Variants in SYN3 observed in about 807,000 individuals in gnomAD.
SYN3 encodes the protein synapsin-3.
Under a neutral mutation model 65.8 loss-of-function variants are expected in SYN3, and 35 were observed. The observed-to-expected ratio is 0.53, with a 90% CI of 0.41 to 0.70. SYN3 has a LOEUF of 0.70. SYN3 is among the 30% of genes least tolerant of loss of function. The pLI, the probability that SYN3 is intolerant of heterozygous loss-of-function variation, is 0.00. For synonymous variants in SYN3, 270 were observed against 292.9 expected, an observed-to-expected ratio of 0.92 and a Z score of 0.80; for missense variants, 680 against 749.0, an observed-to-expected ratio of 0.91 and a Z score of 1.08.
intron 2 of SYN3, among the ~76,000 whole-genome samples, chr22:32,981,805 G>A (rs1569375793): frequency 6.6e-6 from 1 of 152,000 alleles, no homozygotes; most frequent in African/African-American, 2.4e-5. Context: ...ATTAAAGGAT[G>A]TTTATAGTGT....
At chr22:33,044,022 C>T (rs2054013086) in intron 1 of SYN3, among the ~76,000 whole-genome samples, 1 of 151,218 alleles carries the variant, frequency 6.6e-6, no homozygotes, top group Non-Finnish European at 1.5e-5. Context: ...CACTGCACAC[C>T]ATCCTGATGA....
chr22:32,962,129 CTTTTTTTTTTTTTT>C (rs58025844), intron 3 of SYN3, among the ~76,000 whole-genome samples: 1 of 107,184 alleles, frequency 9.3e-6, no homozygotes, highest in Admixed American at 1.1e-4. Flanking sequence ...TTTAGAATCT[CTTTTTTTTTTTTTT>C]TTTTTTTTTT....
intron 6 of SYN3, among the ~76,000 whole-genome samples, chr22:32,627,569 TA>T (rs1569104317): frequency 6.6e-6 from 1 of 151,882 alleles, no homozygotes; most frequent in Non-Finnish European, 1.5e-5. Context: ...CTCCCAAACC[TA>T]ACCACAGAGG....
At chr22:32,915,773 A>G (rs1319160496) in intron 4 of SYN3, among the ~76,000 whole-genome samples, 3 of 152,240 alleles carry the variant, frequency 2.0e-5, no homozygotes, top group Non-Finnish European at 4.4e-5. Flanking sequence ...TCATTCTAAC[A>G]GGGATGGGAA....
chr22:32,509,632 G>T lies in SYN3; in HGVS notation c.*4060C>A, dbSNP rs111346783. On this transcript the variant is annotated 3_prime_UTR_variant, in exon 14 of 14. Coordinates refer to ENST00000358763, the MANE Select transcript of SYN3 (RefSeq NM_003490.4). ...TGCCCAGGCTGGAGTGCAGTGGTGC[G>T]ATCTCGGCTCACTGCAAGCTCCGCC... is the stretch of plus-strand genomic sequence containing the variant. 0.11 allele frequency among the ~76,000 whole-genome samples: 16,105 copies of T among 151,756 alleles called. 2,150 individuals carry two copies. Among genetic ancestry groups the T allele is most frequent in the African/African-American group, 0.31 (12,933 of 41,260 alleles).
At chr22:32,846,053 T>C (rs2048053732) in intron 6 of SYN3, among the ~76,000 whole-genome samples, 1 of 152,168 alleles carries the variant, frequency 6.6e-6, no homozygotes, top group African/African-American at 2.4e-5. Context: ...GGGCAGAATG[T>C]AACTTAATTT....
At chr22:32,729,883 C>T (rs984063161) in intron 6 of SYN3, among the ~76,000 whole-genome samples, 2 of 152,136 alleles carry the variant, frequency 1.3e-5, no homozygotes, top group African/African-American at 2.4e-5. Flanking sequence ...CTACAAAATA[C>T]GAGTGATAAA....
intron 1 of SYN3, among the ~76,000 whole-genome samples, chr22:33,019,987 A>C (rs188506026): frequency 1.3e-5 from 2 of 152,354 alleles, no homozygotes; most frequent in East Asian, 3.9e-4. Flanking sequence ...TGATTATACA[A>C]ATAATAGTAA....
At chr22:32,643,044 G>A (rs1427391023) in intron 6 of SYN3, among the ~76,000 whole-genome samples, 1 of 152,108 alleles carries the variant, frequency 6.6e-6, no homozygotes, top group Non-Finnish European at 1.5e-5. Flanking sequence ...AAGTGATAGG[G>A]AAACCTTTTT....
intron 13 of SYN3, among the ~76,000 whole-genome samples, chr22:32,515,812 T>A (rs1220195211): frequency 6.6e-6 from 1 of 152,172 alleles, no homozygotes. Context: ...ATTTTTTTTT[T>A]TTTCGAGATG....
chr22:32,928,879 G>A (rs1185555634), intron 4 of SYN3, among the ~76,000 whole-genome samples: 1 of 151,938 alleles, frequency 6.6e-6, no homozygotes. Context: ...AATCTCTTCA[G>A]CTGTACCTTT....
At chr22:32,769,204 CT>C (rs760500545) in intron 6 of SYN3, among the ~76,000 whole-genome samples, 8 of 151,780 alleles carry the variant, frequency 5.3e-5, no homozygotes, top group Non-Finnish European at 7.4e-5. Context: ...CATTTCCCCC[CT>C]GTTCTACTTT....
chr22:33,020,667 C>T (rs1012578942), intron 1 of SYN3, among the ~76,000 whole-genome samples: 3 of 152,164 alleles, frequency 2.0e-5, no homozygotes, highest in African/African-American at 7.2e-5. Context: ...CCAACCTATA[C>T]CACTTTGAAA....
chr22:32,887,302 C>T (rs2049320130), intron 4 of SYN3, among the ~76,000 whole-genome samples: 1 of 151,732 alleles, frequency 6.6e-6, no homozygotes, highest in Non-Finnish European at 1.5e-5. Context: ...CACTTGAGCC[C>T]AAGAGTTTGA....
intron 6 of SYN3, among the ~76,000 whole-genome samples, chr22:32,715,695 C>A (rs1427820089): frequency 6.8e-6 from 1 of 146,674 alleles, no homozygotes; most frequent in Admixed American, 7.1e-5. Context: ...CAGAGAATTG[C>A]TTGAACTCGG....
chr22:32,661,740 T>A (rs2060220256), intron 6 of SYN3, among the ~76,000 whole-genome samples: 2 of 152,136 alleles, frequency 1.3e-5, no homozygotes, highest in Admixed American at 1.3e-4. Context: ...TCAAAGAGCA[T>A]CTGGAACGGA....
rs189916413 is a variant in SYN3 at position 32,581,716 on chromosome 22, G to T, written c.774+14958C>A. ...TTAGTTGCCAATATTTAAAAATAAG[G>T]AGTCTGGATATTGGAGACCCCAGAT... On this transcript the variant is annotated intron_variant, in intron 7 of 13. Coordinates refer to ENST00000358763, the MANE Select transcript of SYN3 (RefSeq NM_003490.4). Among the ~76,000 whole-genome samples, 62 of 151,946 alleles carry T rather than the reference G, an allele frequency of 4.1e-4. 1 individual carries two copies. The East Asian group carries it at 9.9e-3, about 24-fold the overall frequency.
chr22:32,816,364 C>T (rs1302333874), intron 6 of SYN3, among the ~76,000 whole-genome samples: 1 of 152,116 alleles, frequency 6.6e-6, no homozygotes, highest in Non-Finnish European at 1.5e-5. Flanking sequence ...CAGGAATAAA[C>T]AAATACTGAA....
At chr22:32,565,107 C>G (rs1404866798) in intron 7 of SYN3, among the ~76,000 whole-genome samples, 1 of 151,484 alleles carries the variant, frequency 6.6e-6, no homozygotes, top group Non-Finnish European at 1.5e-5. Flanking sequence ...CCGGACTGCA[C>G]CCAGACAGTG....
Sources: gnomAD v4.1 joint callset for allele counts (sites outside exome capture counted in the v4.1 genomes callset) on GRCh38, gnomAD v4.1.1 for gene constraint, MANE v1.5 for transcripts, NCBI Gene and HGNC (gene_info 2026-07-23, HGNC 2026-07-21) for gene names.